CAMSAP1: variants seen among roughly 807,000 people sequenced by gnomAD.
CAMSAP1 encodes the protein calmodulin-regulated spectrin-associated protein 1.
A neutral mutation model predicts 143.5 loss-of-function variants in CAMSAP1; 58 were observed. The observed-to-expected ratio is 0.40, with a 90% confidence interval of 0.33 to 0.50. The LOEUF is 0.50. CAMSAP1 is among the 20% of genes least tolerant of loss of function. The pLI is 0.45. For missense variants in CAMSAP1, 1,969 were observed against 2,115.7 expected, an observed-to-expected ratio of 0.93 and a Z score of 1.36; for synonymous variants, 945 against 859.3, an observed-to-expected ratio of 1.10 and a Z score of -1.74.
intron 5 of CAMSAP1, among the ~76,000 whole-genome samples, chr9:135,858,846 G>C (rs1037020320): frequency 6.6e-6 from 1 of 152,240 alleles, no homozygotes; most frequent in South Asian, 2.1e-4. Context: ...CCTGGAGTCT[G>C]ATGTCCAAGG....
chr9:135,846,479 T>TAAAAGA (rs1836556400), intron 7 of CAMSAP1, among the ~76,000 whole-genome samples: 1 of 152,068 alleles, frequency 6.6e-6, no homozygotes, highest in Non-Finnish European at 1.5e-5. Flanking sequence ...GGCAAAGACT[T>TAAAAGA]CAAGACTAAA....
intron 1 of CAMSAP1, among the ~76,000 whole-genome samples, chr9:135,883,944 C>T (rs7850018): frequency 0.14 from 21,700 of 152,212 alleles, 1,728 homozygotes; most frequent in Non-Finnish European, 0.17. Context: ...AGCATACACA[C>T]GGGACACCGA....
At chr9:135,813,348 A>C (rs551345054) in intron 16 of CAMSAP1, among the ~76,000 whole-genome samples, 1 of 152,346 alleles carries the variant, frequency 6.6e-6, no homozygotes, top group African/African-American at 2.4e-5. Flanking sequence ...TAGAAAAGTT[A>C]CTTTTCATAA....
At chr9:135,896,636 A>T (rs2131018830) in intron 1 of CAMSAP1, among the ~76,000 whole-genome samples, 1 of 152,350 alleles carries the variant, frequency 6.6e-6, no homozygotes, top group African/African-American at 2.4e-5. Flanking sequence ...AAACCTTAAC[A>T]AGTATAAAAG....
intron 1 of CAMSAP1, among the ~76,000 whole-genome samples, chr9:135,889,168 C>T (rs969249877): frequency 1.3e-5 from 2 of 152,206 alleles, no homozygotes; most frequent in African/African-American, 4.8e-5. Flanking sequence ...AGCGGCAGGA[C>T]GAAGACCGAA....
At chr9:135,857,036 C>T (rs1436754273) in intron 5 of CAMSAP1, among the ~76,000 whole-genome samples, 2 of 152,188 alleles carry the variant, frequency 1.3e-5, no homozygotes, top group Non-Finnish European at 2.9e-5. Flanking sequence ...ATTGGGGCTG[C>T]CTGCTTGTGT....
chr9:135,849,445 A>G (rs1465152185), intron 7 of CAMSAP1, among the ~76,000 whole-genome samples: 1 of 152,222 alleles, frequency 6.6e-6, no homozygotes, highest in Admixed American at 6.5e-5. Flanking sequence ...ACTGAGGCCA[A>G]GCAGCTTTTC....
rs962957934 is a variant in CAMSAP1, at chr9:135,882,917, G to C, written c.322C>G (p.Gln108Glu). The C allele has an allele frequency of 1.3e-6, 2 of 1,551,764 alleles. No homozygotes were observed. Among genetic ancestry groups the C allele is most frequent in the Admixed American group, 2.0e-5 (1 of 51,006 alleles). ...GDQVAALQGH[Q>E]SVIQALSRKG... ...CGGGACAGGGCCTGGATGACAGACT[G>C]GTGTCCCTGTAAGGCGGCCACCTGG... The change falls in exon 2 of 17, where the codon CAG (glutamine) becomes GAG (glutamate). Residue 108 changes from glutamine to glutamate, a missense_variant. Gln to Glu is a conservative substitution (Grantham distance 29). Around this residue, in one of 4 missense-constraint regions of CAMSAP1, gnomAD observed 215 missense variants for 196.2 expected, o/e 1.10. Transcript: ENST00000389532. The surrounding 1 kb of genome is among the most constrained non-coding windows in gnomAD (Gnocchi z 4.9).
At chr9:135,892,980 G>A (rs1838335004) in intron 1 of CAMSAP1, among the ~76,000 whole-genome samples, 1 of 151,800 alleles carries the variant, frequency 6.6e-6, no homozygotes, top group Non-Finnish European at 1.5e-5. Flanking sequence ...ACCAGCCTAG[G>A]CAACATGATG....
At chr9:135,844,151 C>G (rs1229547016) in intron 7 of CAMSAP1, among the ~76,000 whole-genome samples, 2 of 152,174 alleles carry the variant, frequency 1.3e-5, no homozygotes, top group Non-Finnish European at 2.9e-5. Context: ...AATACACATT[C>G]TTCTCAGCAC....
intron 1 of CAMSAP1, among the ~76,000 whole-genome samples, chr9:135,889,522 G>A (rs1412749412): frequency 1.3e-5 from 2 of 152,236 alleles, no homozygotes; most frequent in Admixed American, 6.5e-5. Flanking sequence ...GAAACTCAGA[G>A]AACTCCCAGC....
At chr9:135,876,160 C>T (rs542332554) in intron 3 of CAMSAP1, among the ~76,000 whole-genome samples, 3 of 152,276 alleles carry the variant, frequency 2.0e-5, no homozygotes, top group East Asian at 1.9e-4. Flanking sequence ...CCACTTTTGG[C>T]CAAGCTGGTC....
At position 135,827,470 on chromosome 9, in the gene CAMSAP1, G is replaced by A; in HGVS notation, c.1160C>T (p.Pro387Leu). 1 of 1,609,442 alleles carries A rather than the reference G, an allele frequency of 6.2e-7. No individual in the cohort carries two copies. ...ACAGCCTTCCGCCGGCAGCTGCACG[G>A]GGGGCTGCAGCTCAGCCAGGGTCCC... is the stretch of plus-strand genomic sequence containing the variant. ...AAGTLAELQP[P>L]VQLPAEGCHR... The change falls in exon 8 of 17, where the codon CCC becomes CTC. Residue 387 changes from proline (P) to leucine (L), a missense_variant. Coordinates refer to ENST00000389532, the MANE Select transcript of CAMSAP1 (RefSeq NM_015447.4).
intron 1 of CAMSAP1, among the ~76,000 whole-genome samples, chr9:135,895,017 T>C (rs571879092): frequency 2.0e-5 from 3 of 152,318 alleles, no homozygotes; most frequent in Admixed American, 6.5e-5. Flanking sequence ...GACAGAATCA[T>C]TGACCTTGAG....
intron 7 of CAMSAP1, among the ~76,000 whole-genome samples, chr9:135,849,265 A>C (rs534893832): frequency 6.6e-6 from 1 of 152,334 alleles, no homozygotes; most frequent in African/African-American, 2.4e-5. Flanking sequence ...TATCTCGTGT[A>C]ATTTACTGAA....
intron 4 of CAMSAP1, among the ~76,000 whole-genome samples, chr9:135,864,963 C>T (rs574467086): frequency 1.3e-5 from 2 of 152,354 alleles, no homozygotes; most frequent in African/African-American, 2.4e-5. Flanking sequence ...TGTCACATTA[C>T]ATACCACAGT....
intron 1 of CAMSAP1, among the ~76,000 whole-genome samples, chr9:135,884,342 T>A (rs1838056091): frequency 6.6e-6 from 1 of 152,006 alleles, no homozygotes; most frequent in African/African-American, 2.4e-5. Flanking sequence ...GTGGCGATGG[T>A]TCCCCACAGC....
intron 7 of CAMSAP1, among the ~76,000 whole-genome samples, chr9:135,830,576 G>C (rs1325037590): frequency 2.0e-5 from 3 of 152,168 alleles, no homozygotes; most frequent in Admixed American, 1.3e-4. Context: ...CAGAAATACA[G>C]TAATAGCAGA....
In CAMSAP1 at chr9:135,821,406, A is replaced by T. The variant is rs908822811; in HGVS notation, c.3255T>A (p.Ala1085=). The change falls in exon 11 of 17, where the codon GCT becomes GCA. Residue 1085 remains alanine (A), a synonymous_variant. Coordinates refer to ENST00000389532, the MANE Select transcript of CAMSAP1 (RefSeq NM_015447.4). This position sits in a 1 kb window ranked among gnomAD's most constrained non-coding sequence, Gnocchi z 4.6. The part of the protein sequence containing the change: ...FVEPLSPTGV[A]GHRKAPRLGQ... ...CCAGCCGGGGGGCTTTGCGGTGGCC[A>T]GCCACGCCCGTGGGAGAGAGTGGCT... The T allele has an allele frequency of 6.2e-6, 10 of 1,613,868 alleles. No homozygotes were observed. The Middle Eastern group carries it at 4.9e-4, about 80-fold the overall frequency.
Sources: gnomAD v4.1 joint callset for allele counts (sites outside exome capture counted in the v4.1 genomes callset) on GRCh38, gnomAD v4.1.1 for gene constraint, gnomAD v4.1.1 regional missense constraint, Gnocchi (gnomAD v3.1) non-coding constraint, MANE v1.5 for transcripts, NCBI Gene and HGNC (gene_info 2026-07-23, HGNC 2026-07-21) for gene names.